Variants in MRPL44 observed in about 807,000 individuals in gnomAD.
The protein encoded by MRPL44 is large ribosomal subunit protein mL44.
A neutral mutation model predicts 25.9 loss-of-function variants in MRPL44; 21 were observed. That is an observed-to-expected ratio of 0.81 (90% CI 0.58 to 1.17). The LOEUF is 1.17. Among genes scored for constraint, MRPL44 ranks in the 50% most tolerant of loss-of-function variants. The pLI, the probability that MRPL44 is intolerant of heterozygous loss-of-function variation, is 0.00. For missense variants in MRPL44, 410 were observed against 398.9 expected (o/e 1.03, Z -0.24); for synonymous variants, 169 against 151.0 (o/e 1.12, Z -0.87).
Position 223,967,294 on chromosome 2 carries a change from G to A in MRPL44, c.*260G>A, listed in dbSNP as rs555408563. The A allele has an allele frequency of 2.3e-4, 68 of 298,420 alleles. 2 individuals carry two copies. The South Asian group carries it at 3.9e-3, about 17-fold the overall frequency. The allele number at this position is 298,420 out of a possible 1,614,324, so 18.5% of individuals were successfully genotyped here. ...GTCGCCCAGGCTGGACTGCAGTGGT[G>A]CGATCTCGGCTCACTGCAACCTCCA... is the stretch of plus-strand genomic sequence containing the variant. On this transcript the variant is annotated 3_prime_UTR_variant, in exon 4 of 4. Coordinates refer to ENST00000258383, the MANE Select transcript of MRPL44 (RefSeq NM_022915.5).
Position 223,963,737 on chromosome 2 carries a change from A to G in MRPL44, c.649-19A>G. 1 of 1,482,138 alleles carries G rather than the reference A, an allele frequency of 6.7e-7. No individual in the cohort carries two copies. Among genetic ancestry groups the G allele is most frequent in the Non-Finnish European group, 9.1e-7 (1 of 1,104,560 alleles). 91.8% of individuals were successfully genotyped at this position (1,482,138 alleles called of 1,614,324 possible). ...TCTTTCTACTAATTAAAATGTATAA[A>G]TTATATTTTTATATGCAGGACTTCT... On this transcript the variant is annotated intron_variant, in intron 2 of 3. Transcript: ENST00000258383.
rs1574797266 is a variant in MRPL44 at position 223,966,457 on chromosome 2, G to T, written c.828-406G>T. 2.0e-5 allele frequency among the ~76,000 whole-genome samples: 3 copies of T among 151,746 alleles called. No individual in the cohort carries two copies. In the South Asian group the frequency reaches 6.3e-4, roughly 32 times the overall value. ...TTTACTAGTTTCAGGTTTTTGTAAGGAGATATTTATTTTTCCCAAGTTATA... is the reference window on the plus strand; with the variant it reads ...TTTACTAGTTTCAGGTTTTTGTAAGTAGATATTTATTTTTCCCAAGTTATA... On this transcript the variant is annotated intron_variant, in intron 3 of 3. Coordinates refer to ENST00000258383, the MANE Select transcript of MRPL44 (RefSeq NM_022915.5).
the MRPL44 span, among the ~76,000 whole-genome samples, chr2:223,951,209 A>G: frequency 6.6e-6 from 1 of 152,184 alleles, no homozygotes; most frequent in Non-Finnish European, 1.5e-5. Context: ...CAGGGGTAAA[A>G]CCTGATTGAA....
At chr2:223,966,093 G>A (rs550789164) in intron 3 of MRPL44, among the ~76,000 whole-genome samples, 143 of 152,226 alleles carry the variant, frequency 9.4e-4, no homozygotes, top group Middle Eastern at 3.4e-3. Context: ...GCGTGTTGGC[G>A]GGTGCGTTGG....
the MRPL44 span, among the ~76,000 whole-genome samples, chr2:223,951,179 C>T: frequency 2.0e-5 from 3 of 152,222 alleles, no homozygotes; most frequent in Non-Finnish European, 4.4e-5. Context: ...AATGAAATGA[C>T]TGCAAGTTTC....
At position 223,967,000 on chromosome 2, in the gene MRPL44, C is replaced by T; in HGVS notation, c.965C>T (p.Thr322Ile). 4 of 1,613,098 alleles carry T rather than the reference C, an allele frequency of 2.5e-6. No individual in the cohort carries two copies. Among genetic ancestry groups the T allele is most frequent in the Non-Finnish European group, 3.4e-6 (4 of 1,179,442 alleles). ...TGGAACTATTCCAAGCCCAAAGAAA[C>T]CTTGAGAGCAGAAAAGAGCATCACT... ...RPWNYSKPKE[T>I]LRAEKSITAS is the part of the protein sequence containing the mutation. Residue 322 changes from threonine to isoleucine, a missense_variant, in exon 4 of 4, where the codon ACC becomes ATC. Transcript: ENST00000258383.
intron 1 of MRPL44, among the ~76,000 whole-genome samples, chr2:223,958,566 T>C (rs1689607015): frequency 6.6e-6 from 1 of 152,256 alleles, no homozygotes; most frequent in South Asian, 2.1e-4. Flanking sequence ...GGACAGATTA[T>C]ATAGGTGTAT....
In MRPL44 at chr2:223,959,695, C is replaced by G. The variant is rs1260531251; in HGVS notation, c.341C>G (p.Ala114Gly). Residue 114 changes from alanine to glycine, a missense_variant, in exon 2 of 4, where the codon GCT becomes GGT. Physicochemically the swap from Ala to Gly is moderately conservative, Grantham distance 60. Transcript: ENST00000258383. Reference protein sequence around the residue: ...KRQQLGIEKEAVLLNLKSNQE... With the variant: ...KRQQLGIEKEGVLLNLKSNQE... ...CAACAACTTGGGATAGAGAAAGAAG[C>G]TGTTCTTCTGAATCTTAAAAGTAAT... The G allele has an allele frequency of 6.2e-7, 1 of 1,614,252 alleles. No homozygotes were observed. Among genetic ancestry groups the G allele is most frequent in the South Asian group, 1.1e-5 (1 of 91,090 alleles).
Position 223,957,505 on chromosome 2 carries a change from G to C in MRPL44, c.33G>C (p.Gln11His). 1 of 1,614,150 alleles carries C rather than the reference G, an allele frequency of 6.2e-7. No homozygotes were observed. Among genetic ancestry groups the C allele is most frequent in the Non-Finnish European group, 8.5e-7 (1 of 1,180,030 alleles). MASGLVRLLQ[Q>H]GHRCLLAPVA... ...CCGGGCTGGTAAGATTGCTGCAGCA[G>C]GGACATCGCTGCCTCCTGGCTCCAG... The change falls in exon 1 of 4, where the codon CAG (glutamine) becomes CAC (histidine). Residue 11 changes from glutamine to histidine, a missense_variant. Coordinates refer to ENST00000258383, the MANE Select transcript of MRPL44 (RefSeq NM_022915.5).
chr2:223,951,478 G>GTTTTTTTTTTTGTTTTGTTTTT, the MRPL44 span, among the ~76,000 whole-genome samples: 1 of 112,546 alleles, frequency 8.9e-6, no homozygotes, highest in Middle Eastern at 4.7e-3. Flanking sequence ...TTACCTTGGA[G>GTTTTTTTTTTTGTTTTGTTTTT]TTTTTTTTTT....
chr2:223,954,535 A>T (rs1333774898), upstream of MRPL44, among the ~76,000 whole-genome samples: 1 of 152,200 alleles, frequency 6.6e-6, no homozygotes, highest in Non-Finnish European at 1.5e-5. Flanking sequence ...TGAAAGTCTG[A>T]CTGGGAGTGG....
the MRPL44 span, among the ~76,000 whole-genome samples, chr2:223,952,147 C>T: frequency 3.9e-5 from 6 of 152,156 alleles, no homozygotes; most frequent in South Asian, 2.1e-4. Flanking sequence ...ACTACATGTC[C>T]CAGACTCCCT....
At chr2:223,958,949 A>C (rs536515815) in intron 1 of MRPL44, among the ~76,000 whole-genome samples, 7 of 152,378 alleles carry the variant, frequency 4.6e-5, no homozygotes, top group African/African-American at 1.7e-4. Flanking sequence ...GAGCACATGC[A>C]GAATTGCTAC....
upstream of MRPL44, among the ~76,000 whole-genome samples, chr2:223,953,357 A>T (rs1191068624): frequency 6.6e-6 from 1 of 151,036 alleles, no homozygotes; most frequent in South Asian, 2.1e-4. Flanking sequence ...CTGGTCTTGA[A>T]CTCCTGACCT....
At chr2:223,966,201 A>G (rs898350734) in intron 3 of MRPL44, among the ~76,000 whole-genome samples, 2 of 149,888 alleles carry the variant, frequency 1.3e-5, no homozygotes, top group East Asian at 2.0e-4. Context: ...GTGCCACTGC[A>G]CTACAGCCTG....
At chr2:223,957,283 TC>T, upstream of MRPL44, 1 of 652,364 alleles carries the variant, frequency 1.5e-6, no homozygotes, top group East Asian at 2.7e-5. Flanking sequence ...AAGCGTAGCC[TC>T]AAGGCGGCCG....
intron 2 of MRPL44, among the ~76,000 whole-genome samples, chr2:223,962,321 C>A (rs1689674251): frequency 6.6e-6 from 1 of 152,122 alleles, no homozygotes; most frequent in African/African-American, 2.4e-5. Flanking sequence ...AGCCACCACG[C>A]CTGGCCTAAT....
chr2:223,957,084 C>CT (rs1689573983), upstream of MRPL44, among the ~76,000 whole-genome samples: 1 of 152,122 alleles, frequency 6.6e-6, no homozygotes, highest in Non-Finnish European at 1.5e-5. Context: ...AAAATGTTTT[C>CT]TTTTTTTGAG....
upstream of MRPL44, chr2:223,957,408 A>C: frequency 6.3e-7 from 1 of 1,588,620 alleles, no homozygotes; most frequent in Admixed American, 1.7e-5. Flanking sequence ...GTTCCGGGGG[A>C]AGTGTGTTAC....
Sources: gnomAD v4.1 joint callset for allele counts (sites outside exome capture counted in the v4.1 genomes callset) on GRCh38, gnomAD v4.1.1 for gene constraint, MANE v1.5 for transcripts, NCBI Gene and HGNC (gene_info 2026-07-23, HGNC 2026-07-21) for gene names.